BLM: variants seen among roughly 807,000 people sequenced by gnomAD.
BLM encodes BLM RecQ like helicase, also known as recQ-like DNA helicase BLM.
BLM carries 95 observed loss-of-function variants against 135.3 expected under a neutral mutation model. The ratio of observed to expected loss-of-function variants is 0.70; its 90% CI spans 0.59 to 0.83. The LOEUF is 0.83. Ranked by LOEUF, BLM falls within the 40% of genes least tolerant of loss-of-function variation. The pLI is 0.00. For missense variants in BLM, 1,518 were observed against 1,663.9 expected, an observed-to-expected ratio of 0.91 and a Z score of 1.53; for synonymous variants, 520 against 589.2, an observed-to-expected ratio of 0.88 and a Z score of 1.70.
chr15:90,762,220 G>A (rs1469207452), intron 7 of BLM: 3 of 152,250 alleles, frequency 2.0e-5, no homozygotes, highest in East Asian at 1.9e-4. Context: ...CCAGAGTTGC[G>A]ACAGCCAGGC....
At chr15:90,793,362 C>T (rs1354570723) in intron 15 of BLM, among the ~76,000 whole-genome samples, 2 of 151,374 alleles carry the variant, frequency 1.3e-5, no homozygotes, top group African/African-American at 2.5e-5. Context: ...CTCAAGCTCC[C>T]GACCTCAGGT....
chr15:90,807,052 T>G (rs1321972168), intron 19 of BLM, among the ~76,000 whole-genome samples: 4 of 152,248 alleles, frequency 2.6e-5, no homozygotes, highest in Admixed American at 6.5e-5. Flanking sequence ...AGCCTGACTC[T>G]TCTGAGTCAC....
At position 90,734,628 on chromosome 15, in the gene BLM, CTG is replaced by C. The variant is rs1417756394; in HGVS notation, c.-4-12759_-4-12758del. ...ATGATGGTATTCTCTCTCTCTCTCTCTGTCTCTGTCTCTCACGCACACATACA... is the reference window on the plus strand; with the variant it reads ...ATGATGGTATTCTCTCTCTCTCTCTCTCTCTGTCTCTCACGCACACATACA... On this transcript the variant is annotated intron_variant, in intron 1 of 21. Coordinates refer to ENST00000355112, the MANE Select transcript of BLM (RefSeq NM_000057.4). Among the ~76,000 whole-genome samples the C allele has an allele frequency of 9.1e-4, 139 of 152,004 alleles. 1 individual carries two copies. The highest frequency in any genetic ancestry group is 2.9e-3 in the African/African-American group (122 of 41,464).
chr15:90,722,262 A>G (rs1567220571), intron 1 of BLM, among the ~76,000 whole-genome samples: 2 of 151,714 alleles, frequency 1.3e-5, no homozygotes, highest in South Asian at 2.1e-4. Context: ...GGCACCTGCC[A>G]CCAGGCCCGG....
chr15:90,747,665 A>G, intron 2 of BLM, 175 bp downstream of exon 2: 1 of 596,702 alleles, frequency 1.7e-6, no homozygotes, highest in Non-Finnish European at 3.0e-6. Context: ...GCACCAGGTG[A>G]GATTGTGTCT....
chr15:90,806,262 G>A (rs1004906743), intron 19 of BLM, among the ~76,000 whole-genome samples: 7 of 152,268 alleles, frequency 4.6e-5, no homozygotes, highest in African/African-American at 1.7e-4. Flanking sequence ...TGTAATCCCT[G>A]CACTTTGGGA....
At chr15:90,766,058 A>G (rs1896116928) in intron 9 of BLM, among the ~76,000 whole-genome samples, 1 of 152,166 alleles carries the variant, frequency 6.6e-6, no homozygotes, top group Admixed American at 6.5e-5. Flanking sequence ...GCAGTGGGTC[A>G]TGATCATGCC....
At position 90,798,277 on chromosome 15, in the gene BLM, A is replaced by G. The variant is rs1897079693; in HGVS notation, c.3298A>G (p.Ile1100Val). 1 of 1,612,636 alleles carries G rather than the reference A, an allele frequency of 6.2e-7. No individual in the cohort carries two copies. Among genetic ancestry groups the G allele is most frequent in the Admixed American group, 1.7e-5 (1 of 59,888 alleles). Residue 1100 changes from isoleucine to valine, a missense_variant, in exon 17 of 22, where the codon ATA becomes GTA. By Grantham distance (29) the Ile-to-Val change is conservative. Transcript: ENST00000355112. The part of the protein sequence containing the change: ...EHSSSQGMRN[I>V]KHVGPSGRFT... ...TAGTTCATCACAAGGAATGAGAAAT[A>G]TAAAACATGTAGGTCCTTCTGGAAG... is the stretch of plus-strand genomic sequence containing the variant.
At chr15:90,726,724 A>G (rs1894928074) in intron 1 of BLM, among the ~76,000 whole-genome samples, 1 of 152,218 alleles carries the variant, frequency 6.6e-6, no homozygotes, top group South Asian at 2.1e-4. Context: ...ACTTAACACA[A>G]TGTCCTCAGG....
rs1270898767 is a variant in BLM, at chr15:90,815,461, C to T, written c.*182C>T. 1 of 709,188 alleles carries T rather than the reference C, an allele frequency of 1.4e-6. No individual in the cohort carries two copies. 43.9% of individuals were successfully genotyped at this position (709,188 alleles called of 1,614,324 possible). On this transcript the variant is annotated 3_prime_UTR_variant, in exon 22 of 22. Coordinates refer to ENST00000355112, the MANE Select transcript of BLM (RefSeq NM_000057.4). The surrounding 1 kb of genome is among the most constrained non-coding windows in gnomAD (Gnocchi z 4.6). Reference sequence around the variant, plus strand: ...AAATAAACATTTTCTTTTGAATAAGCATGTTTTGCTGCCGCTGCAAGTGTT... The same window carrying T: ...AAATAAACATTTTCTTTTGAATAAGTATGTTTTGCTGCCGCTGCAAGTGTT...
At chr15:90,737,985 G>A (rs1478523586) in intron 1 of BLM, among the ~76,000 whole-genome samples, 1 of 152,076 alleles carries the variant, frequency 6.6e-6, no homozygotes, top group East Asian at 1.9e-4. Flanking sequence ...CATTATAACT[G>A]ATTTACAGAA....
chr15:90,760,352 C>A, intron 6 of BLM, 73 bp downstream of exon 6: 1 of 1,585,220 alleles, frequency 6.3e-7, no homozygotes, highest in Non-Finnish European at 8.7e-7. Flanking sequence ...ATGGACAGGG[C>A]AAAATGTTCA....
rs574080882 is a variant in BLM at position 90,790,086 on chromosome 15, C to G, written c.2824-563C>G. 3.1e-4 allele frequency among the ~76,000 whole-genome samples: 41 copies of G among 133,174 alleles called. No individual in the cohort carries two copies. In the East Asian group the frequency reaches 8.6e-3, roughly 28 times the overall value. 87.4% of individuals were successfully genotyped at this position (133,174 alleles called of 152,430 possible). ...TCCATTAAAATTGTACAAGCTTTGA[C>G]TTTAAATCAGCTGATGAATAGAAGG... On this transcript the variant is annotated intron_variant, in intron 14 of 21. Coordinates refer to ENST00000355112, the MANE Select transcript of BLM (RefSeq NM_000057.4).
In BLM at chr15:90,782,768, C is replaced by CCTA. The variant is rs1386044689; in HGVS notation, c.2556-53_2556-51dup. The CCTA allele has an allele frequency of 5.8e-6, 8 of 1,381,548 alleles. No individual in the cohort carries two copies. In the Admixed American group the frequency reaches 1.4e-4, roughly 24 times the overall value. 85.6% of individuals were successfully genotyped at this position (1,381,548 alleles called of 1,614,324 possible). A position where few individuals can be genotyped will look rare whatever the true frequency, so the allele number is the denominator to read the frequency against. ...GGGACACATGTAGTCTATAACAATA[C>CCTA]CTAAAGTCATATTTTCTCATAATAA... is the stretch of plus-strand genomic sequence containing the variant. On this transcript the variant is annotated intron_variant, in intron 12 of 21. Transcript: ENST00000355112.
At chr15:90,808,934 A>C in intron 19 of BLM, 1 of 657,698 alleles carries the variant, frequency 1.5e-6, no homozygotes, top group Non-Finnish European at 2.6e-6. Flanking sequence ...TGCCGCTGGA[A>C]TTGGATGGTG....
intron 13 of BLM, among the ~76,000 whole-genome samples, chr15:90,783,339 G>C (rs1483985531): frequency 6.6e-6 from 1 of 152,046 alleles, no homozygotes; most frequent in Non-Finnish European, 1.5e-5. Flanking sequence ...CTTTTCCATG[G>C]AGAATATTTT....
chr15:90,755,922 ATGTGTGTAGTGTTCTC>A (rs918704469), intron 5 of BLM, among the ~76,000 whole-genome samples: 11 of 151,944 alleles, frequency 7.2e-5, no homozygotes, highest in African/African-American at 2.7e-4. Flanking sequence ...TGTGCGGGTC[ATGTGTGTAGTGTTCTC>A]TGTGTGTTGT....
In BLM at chr15:90,798,114, T is replaced by C. The variant is rs1596263063; in HGVS notation, c.3211-76T>C. On this transcript the variant is annotated intron_variant, in intron 16 of 21. Coordinates refer to ENST00000355112, the MANE Select transcript of BLM (RefSeq NM_000057.4). ...GAAATGGGTTATGATGAATCTACTATAGTTAATATTAAACCCTAGTAATCT... is the reference window on the plus strand; with the variant it reads ...GAAATGGGTTATGATGAATCTACTACAGTTAATATTAAACCCTAGTAATCT... The C allele has an allele frequency of 3.9e-6, 5 of 1,296,822 alleles. No individual in the cohort carries two copies. The East Asian group carries it at 1.2e-4, about 31-fold the overall frequency. The allele number at this position is 1,296,822 out of a possible 1,614,324, so 80.3% of individuals were successfully genotyped here.
rs146735953 is a variant in BLM, at chr15:90,749,454, T to G, written c.186T>G (p.Asn62Lys). Residue 62 changes from asparagine (N) to lysine (K), a missense_variant, in exon 3 of 22, where the codon AAT becomes AAG. Physicochemically the swap from Asn to Lys is moderately conservative, Grantham distance 94. Coordinates refer to ENST00000355112, the MANE Select transcript of BLM (RefSeq NM_000057.4). ...TAGCAAAAACACCTGTATTAAGAAA[T>G]AAAGATGTTAATGTTACCGAAGACT... ...VSVAKTPVLR[N>K]KDVNVTEDFS... The G allele has an allele frequency of 2.5e-6, 4 of 1,612,506 alleles. No individual in the cohort carries two copies. Among genetic ancestry groups the G allele is most frequent in the Non-Finnish European group, 3.4e-6 (4 of 1,178,512 alleles).
Sources: allele counts gnomAD v4.1 joint callset (sites outside exome capture counted in the v4.1 genomes callset), GRCh38; gene constraint gnomAD v4.1.1; non-coding constraint Gnocchi (gnomAD v3.1); transcripts MANE v1.5; gene names NCBI Gene and HGNC (gene_info 2026-07-23, HGNC 2026-07-21).